NDUFAF2: variants seen among roughly 807,000 people sequenced by gnomAD.
The protein encoded by NDUFAF2 is NADH dehydrogenase [ubiquinone] 1 alpha subcomplex assembly factor 2.
A neutral mutation model predicts 22.8 loss-of-function variants in NDUFAF2; 13 were observed. The ratio of observed to expected loss-of-function variants is 0.57; its 90% CI spans 0.37 to 0.91. The LOEUF is 0.91. Ranked by LOEUF, NDUFAF2 falls within the 40% of genes least tolerant of loss-of-function variation. The pLI, the probability that NDUFAF2 is intolerant of heterozygous loss-of-function variation, is 0.01. For synonymous variants in NDUFAF2, 53 were observed against 64.2 expected (o/e 0.83, Z 0.84); for missense variants, 162 against 195.2 (o/e 0.83, Z 1.01).
At chr5:61,146,798 C>T (rs1367475475) in intron 3 of NDUFAF2, among the ~76,000 whole-genome samples, 2 of 152,176 alleles carry the variant, frequency 1.3e-5, no homozygotes, top group African/African-American at 4.8e-5. Flanking sequence ...TCCAATAGCT[C>T]ACTGAGGCTC....
At chr5:61,026,020 C>T (rs1561544966) in intron 1 of NDUFAF2, among the ~76,000 whole-genome samples, 1 of 151,936 alleles carries the variant, frequency 6.6e-6, no homozygotes, top group Non-Finnish European at 1.5e-5. Flanking sequence ...TTGTTTGAGC[C>T]TTATGGGAAA....
intron 3 of NDUFAF2, among the ~76,000 whole-genome samples, chr5:61,112,560 T>C (rs188719802): frequency 1.2e-4 from 18 of 152,348 alleles, no homozygotes; most frequent in Non-Finnish European, 2.4e-4. Context: ...TTGTCTGATA[T>C]AAGTATAGCT....
intron 1 of NDUFAF2, among the ~76,000 whole-genome samples, chr5:61,035,424 GTTTTTTTT>G (rs768889484): frequency 4.9e-5 from 2 of 40,544 alleles, no homozygotes; most frequent in Non-Finnish European, 9.2e-5. Context: ...CTCTTGCTCT[GTTTTTTTT>G]TTTTTTTTTT....
intron 3 of NDUFAF2, among the ~76,000 whole-genome samples, chr5:61,127,543 C>T (rs113473278): frequency 0.02 from 3,009 of 152,232 alleles, 113 homozygotes; most frequent in African/African-American, 0.069. Flanking sequence ...ACATGATTAT[C>T]TCAATAGATG....
intron 1 of NDUFAF2, among the ~76,000 whole-genome samples, chr5:61,060,871 C>G (rs1471967867): frequency 2.0e-5 from 3 of 152,110 alleles, no homozygotes; most frequent in Admixed American, 6.6e-5. Flanking sequence ...CCCTCCTCCA[C>G]GGTCTTAGAT....
At chr5:61,107,985 AG>A (rs1752789632) in intron 3 of NDUFAF2, among the ~76,000 whole-genome samples, 2 of 151,062 alleles carry the variant, frequency 1.3e-5, no homozygotes, top group Admixed American at 1.3e-4. Flanking sequence ...GTCCCTACAA[AG>A]GACATGAACT....
chr5:61,064,517 C>T (rs1373645400), intron 1 of NDUFAF2, among the ~76,000 whole-genome samples: 1 of 151,804 alleles, frequency 6.6e-6, no homozygotes, highest in Non-Finnish European at 1.5e-5. Context: ...AGAAGATTGA[C>T]CATATATCTA....
intron 3 of NDUFAF2, among the ~76,000 whole-genome samples, chr5:61,104,731 CATGTATTA>C (rs1302297818): frequency 6.6e-6 from 1 of 151,408 alleles, no homozygotes; most frequent in East Asian, 1.9e-4. Flanking sequence ...GGCCAATCCC[CATGTATTA>C]ATTTACAGTA....
intron 1 of NDUFAF2, among the ~76,000 whole-genome samples, chr5:61,013,949 G>A (rs1355692419): frequency 1.3e-5 from 2 of 152,158 alleles, no homozygotes; most frequent in African/African-American, 2.4e-5. Context: ...TGTAGGTGTG[G>A]TACCATGGGA....
intron 1 of NDUFAF2, among the ~76,000 whole-genome samples, chr5:60,997,937 A>T (rs1751248766): frequency 6.6e-6 from 1 of 152,210 alleles, no homozygotes; most frequent in Admixed American, 6.5e-5. Flanking sequence ...TTCCTACTAA[A>T]TTATTGGCAG....
chr5:60,992,697 C>T (rs1042672938), intron 1 of NDUFAF2, among the ~76,000 whole-genome samples: 1 of 151,992 alleles, frequency 6.6e-6, no homozygotes, highest in Non-Finnish European at 1.5e-5. Flanking sequence ...TTTAGCATTT[C>T]TTGTAGGAAG....
rs137996491 is a variant in NDUFAF2, at chr5:61,004,213, G to A, written c.127+58831G>A. ...TTGTTTTTATTTTTTCTCTTTTCCC[G>A]TGCTATTGGCTTACAGATATCCCTT... On this transcript the variant is annotated intron_variant, in intron 1 of 3. Transcript: ENST00000296597. 5.0e-4 allele frequency among the ~76,000 whole-genome samples: 76 copies of A among 151,678 alleles called. No homozygotes were observed. In the East Asian group the frequency reaches 0.012, roughly 23 times the overall value.
chr5:61,008,069 G>T (rs1003403585), intron 1 of NDUFAF2, among the ~76,000 whole-genome samples: 7 of 146,896 alleles, frequency 4.8e-5, no homozygotes, highest in Non-Finnish European at 7.4e-5. Context: ...ACCAAACACC[G>T]CATCTTCTCA....
chr5:61,047,988 A>G (rs1415395918), intron 1 of NDUFAF2, among the ~76,000 whole-genome samples: 1 of 152,206 alleles, frequency 6.6e-6, no homozygotes, highest in Non-Finnish European at 1.5e-5. Flanking sequence ...AAGCAATTTA[A>G]TAAACATGAA....
chr5:60,946,425 T>G (rs559005098), intron 1 of NDUFAF2, among the ~76,000 whole-genome samples: 2 of 152,296 alleles, frequency 1.3e-5, no homozygotes, highest in African/African-American at 4.8e-5. Context: ...CTCAATTAAT[T>G]TATTTTTGCC....
At chr5:61,058,940 G>A (rs1752131564) in intron 1 of NDUFAF2, among the ~76,000 whole-genome samples, 2 of 151,924 alleles carry the variant, frequency 1.3e-5, no homozygotes, top group African/African-American at 2.4e-5. Context: ...ACCTTCTTTT[G>A]GAGAGTAGAT....
intron 1 of NDUFAF2, among the ~76,000 whole-genome samples, chr5:61,011,596 G>A (rs996872395): frequency 6.6e-6 from 1 of 152,106 alleles, no homozygotes; most frequent in African/African-American, 2.4e-5. Flanking sequence ...ATCATTTTCA[G>A]TGGTTTCCTT....
chr5:61,036,908 A>C (rs1279898950), intron 1 of NDUFAF2, among the ~76,000 whole-genome samples: 2 of 152,150 alleles, frequency 1.3e-5, no homozygotes, highest in African/African-American at 2.4e-5. Flanking sequence ...CTGTTGATGT[A>C]ATTTATGTAG....
At chr5:61,083,034 A>G (rs973708470) in intron 2 of NDUFAF2, among the ~76,000 whole-genome samples, 6 of 152,020 alleles carry the variant, frequency 3.9e-5, no homozygotes, top group African/African-American at 1.2e-4. Flanking sequence ...CTTCACCAAC[A>G]TCTCTTATTT....
Sources: allele counts gnomAD v4.1 joint callset (sites outside exome capture counted in the v4.1 genomes callset), GRCh38; gene constraint gnomAD v4.1.1; transcripts MANE v1.5; gene names NCBI Gene and HGNC (gene_info 2026-07-23, HGNC 2026-07-21).